The following FHIT variants were observed in gnomAD, a reference collection of about 807,000 sequenced individuals.
FHIT encodes the protein bis(5'-adenosyl)-triphosphatase.
Under a neutral mutation model 17.9 loss-of-function variants are expected in FHIT, and 19 were observed. The ratio of observed to expected loss-of-function variants is 1.06; its 90% CI spans 0.74 to 1.56. FHIT has a LOEUF of 1.56. FHIT is among the 40% of genes most tolerant of loss of function. The pLI is 0.00. For missense variants in FHIT, 248 were observed against 189.2 expected (o/e 1.31, Z -1.82); for synonymous variants, 81 against 69.7 (o/e 1.16, Z -0.81).
At chr3:60,744,716 C>T (rs1000788973) in intron 4 of FHIT, among the ~76,000 whole-genome samples, 1 of 152,140 alleles carries the variant, frequency 6.6e-6, no homozygotes, top group Non-Finnish European at 1.5e-5. Context: ...TTCTAGCCTT[C>T]CTGCATCTGA....
chr3:59,928,112 C>T (rs76943542), intron 7 of FHIT, among the ~76,000 whole-genome samples: 1,555 of 152,306 alleles, frequency 0.01, 30 homozygotes, highest in African/African-American at 0.035. Context: ...CCAGTTGGCC[C>T]TGTGTGAATC....
intron 7 of FHIT, among the ~76,000 whole-genome samples, chr3:59,955,468 G>A (rs1707345593): frequency 6.6e-6 from 1 of 152,078 alleles, no homozygotes; most frequent in Non-Finnish European, 1.5e-5. Context: ...AACCCATTCA[G>A]CCCCTCCGCT....
chr3:60,031,297 T>C (rs1700990029), intron 5 of FHIT, among the ~76,000 whole-genome samples: 1 of 152,120 alleles, frequency 6.6e-6, no homozygotes, highest in Non-Finnish European at 1.5e-5. Flanking sequence ...CTATAGCACA[T>C]TCACAAAAGA....
At chr3:60,235,243 T>A (rs1168680376) in intron 5 of FHIT, among the ~76,000 whole-genome samples, 1 of 151,268 alleles carries the variant, frequency 6.6e-6, no homozygotes, top group East Asian at 1.9e-4. Context: ...TGTTTTTTTT[T>A]TTTTTGAGAC....
At chr3:60,900,125 G>C (rs1048582083) in intron 3 of FHIT, among the ~76,000 whole-genome samples, 7 of 152,138 alleles carry the variant, frequency 4.6e-5, no homozygotes, top group Non-Finnish European at 1.0e-4. Context: ...GGTCAGAAAG[G>C]CTCACTATCA....
chr3:60,595,810 A>G (rs1287276251), intron 4 of FHIT, among the ~76,000 whole-genome samples: 2 of 151,324 alleles, frequency 1.3e-5, no homozygotes, highest in East Asian at 2.0e-4. Flanking sequence ...TGCCTGGCTA[A>G]TTTTTTTTTA....
intron 2 of FHIT, among the ~76,000 whole-genome samples, chr3:61,129,818 A>G (rs891314178): frequency 6.6e-6 from 1 of 152,222 alleles, no homozygotes; most frequent in Non-Finnish European, 1.5e-5. Context: ...TCAGTAAATG[A>G]TACCTTGTTT....
At chr3:60,393,927 A>G (rs1701333309) in intron 5 of FHIT, among the ~76,000 whole-genome samples, 2 of 152,168 alleles carry the variant, frequency 1.3e-5, no homozygotes, top group Admixed American at 6.6e-5. Flanking sequence ...TAACTGCAAG[A>G]GAGTTCTTTT....
At chr3:59,854,201 C>A (rs992830053) in intron 8 of FHIT, among the ~76,000 whole-genome samples, 2 of 152,120 alleles carry the variant, frequency 1.3e-5, no homozygotes, top group African/African-American at 4.8e-5. Flanking sequence ...AAGAAAAAGG[C>A]TGGGAAGGAA....
chr3:60,762,291 C>T (rs1036140702), intron 4 of FHIT, among the ~76,000 whole-genome samples: 2 of 152,024 alleles, frequency 1.3e-5, no homozygotes, highest in Admixed American at 6.6e-5. Context: ...AAAAAGATAT[C>T]GGTTGATCAA....
intron 2 of FHIT, among the ~76,000 whole-genome samples, chr3:61,100,677 A>G (rs534745755): frequency 5.3e-5 from 8 of 152,342 alleles, no homozygotes; most frequent in Admixed American, 4.6e-4. Flanking sequence ...ACTCCCACCA[A>G]TAGTGTAAAA....
chr3:60,049,109 C>T (rs1275419712), intron 5 of FHIT, among the ~76,000 whole-genome samples: 1 of 152,126 alleles, frequency 6.6e-6, no homozygotes, highest in African/African-American at 2.4e-5. Context: ...TTACTTTTCC[C>T]TAATATTTTC....
chr3:60,137,001 T>A (rs1463203204), intron 5 of FHIT, among the ~76,000 whole-genome samples: 1 of 152,136 alleles, frequency 6.6e-6, no homozygotes, highest in Non-Finnish European at 1.5e-5. Context: ...CTAGGAAAAA[T>A]TTTTATGATA....
intron 4 of FHIT, among the ~76,000 whole-genome samples, chr3:60,659,913 C>T (rs1308915143): frequency 6.6e-6 from 1 of 152,122 alleles, no homozygotes; most frequent in Non-Finnish European, 1.5e-5. Flanking sequence ...TCAGATTCTC[C>T]TTCCCCTTCC....
At chr3:60,595,568 T>C (rs931103984) in intron 4 of FHIT, among the ~76,000 whole-genome samples, 22 of 150,906 alleles carry the variant, frequency 1.5e-4, no homozygotes, top group African/African-American at 5.4e-4. Flanking sequence ...CATATGTGTA[T>C]ATATATATAC....
chr3:60,049,276 C>T (rs1267917942), intron 5 of FHIT, among the ~76,000 whole-genome samples: 2 of 152,276 alleles, frequency 1.3e-5, no homozygotes, highest in East Asian at 3.9e-4. Context: ...ATGTGTACCT[C>T]TGGATCTAAG....
chr3:60,151,828 A>T (rs11709255), intron 5 of FHIT, among the ~76,000 whole-genome samples: 49,561 of 152,028 alleles, frequency 0.33, 8,502 homozygotes, highest in Middle Eastern at 0.45. Context: ...AGACCTCCTA[A>T]CAAAAATAAG....
chr3:60,261,289 A>T (rs193181461), intron 5 of FHIT, among the ~76,000 whole-genome samples: 59 of 152,136 alleles, frequency 3.9e-4, no homozygotes, highest in Non-Finnish European at 4.0e-4. Context: ...CTTCCCAGTA[A>T]CATATCCACG....
intron 4 of FHIT, among the ~76,000 whole-genome samples, chr3:60,788,282 C>A (rs1553727510): frequency 6.6e-6 from 1 of 151,880 alleles, no homozygotes; most frequent in Non-Finnish European, 1.5e-5. Flanking sequence ...CAGAGTGAGA[C>A]CCTATCTCTT....
Sources: allele counts gnomAD v4.1 joint callset (sites outside exome capture counted in the v4.1 genomes callset), GRCh38; gene constraint gnomAD v4.1.1; transcripts MANE v1.5; gene names NCBI Gene and HGNC (gene_info 2026-07-23, HGNC 2026-07-21).